LARGE1: variants seen among roughly 807,000 people sequenced by gnomAD.
LARGE1 encodes xylosyl- and glucuronyltransferase LARGE1.
A neutral mutation model predicts 87.6 loss-of-function variants in LARGE1; 43 were observed. The observed-to-expected ratio is 0.49, with a 90% CI of 0.38 to 0.63. The LOEUF is 0.63. LARGE1 is among the 30% of genes least tolerant of loss of function. LARGE1 has a pLI of 0.00. For synonymous variants in LARGE1, 434 were observed against 394.6 expected, an observed-to-expected ratio of 1.10 and a Z score of -1.18; for missense variants, 802 against 1,000.2, an observed-to-expected ratio of 0.80 and a Z score of 2.67.
At position 33,877,578 on chromosome 22, in the gene LARGE1, A is replaced by G. The variant is rs550941572; in HGVS notation, c.-83+42417T>C. The stretch of plus-strand genomic sequence containing the variant: ...AGGATGTAATACGATGATACAGGAA[A>G]ATACTACAGAACACTTGAAATGTGG... On this transcript the variant is annotated intron_variant, in intron 1 of 14. Transcript: ENST00000397394. 1.1e-3 allele frequency among the ~76,000 whole-genome samples: 162 copies of G among 152,266 alleles called. 1 individual carries two copies. The highest frequency in any genetic ancestry group is 1.4e-3 in the Admixed American group (21 of 15,288).
chr22:33,076,719 T>G, the LARGE1 span, among the ~76,000 whole-genome samples: 1 of 152,212 alleles, frequency 6.6e-6, no homozygotes, highest in Non-Finnish European at 1.5e-5. Context: ...TATCCATATG[T>G]CTATAAACAA....
intron 6 of LARGE1, among the ~76,000 whole-genome samples, chr22:33,492,606 C>T (rs1036733265): frequency 2.6e-5 from 4 of 152,164 alleles, no homozygotes; most frequent in Admixed American, 6.5e-5. Context: ...CTGCAAGCTC[C>T]GGGAGCTTTG....
chr22:33,315,276 A>G (rs1383246172), intron 11 of LARGE1, among the ~76,000 whole-genome samples: 1 of 152,196 alleles, frequency 6.6e-6, no homozygotes, highest in African/African-American at 2.4e-5. Flanking sequence ...CCTGGATGTG[A>G]ACGTGTTATA....
intron 12 of LARGE1, among the ~76,000 whole-genome samples, chr22:33,291,661 C>T (rs1037593048): frequency 2.0e-5 from 3 of 150,970 alleles, no homozygotes; most frequent in African/African-American, 7.4e-5. Flanking sequence ...TAATGTATTA[C>T]ATCAATACAT....
In LARGE1 at chr22:33,798,187, G is replaced by C. The variant is rs537267533; in HGVS notation, c.-82-36629C>G. Among the ~76,000 whole-genome samples, 10 of 152,262 alleles carry C rather than the reference G, an allele frequency of 6.6e-5. No individual in the cohort carries two copies. In the East Asian group the frequency reaches 1.9e-3, roughly 29 times the overall value. On this transcript the variant is annotated intron_variant, in intron 1 of 14. Coordinates refer to ENST00000397394, the MANE Select transcript of LARGE1 (RefSeq NM_133642.5). ...GCACCTGTAAGCCCAGCTACTCAGA[G>C]GCTGAGGCAGGAGAATTGCTTGAAC... is the stretch of plus-strand genomic sequence containing the variant.
intron 11 of LARGE1, among the ~76,000 whole-genome samples, chr22:33,203,433 A>G (rs1297392316): frequency 6.6e-6 from 1 of 152,098 alleles, no homozygotes; most frequent in African/African-American, 2.4e-5. Flanking sequence ...GATACTGGGA[A>G]CCACTGAGCG....
intron 6 of LARGE1, among the ~76,000 whole-genome samples, chr22:33,556,592 CAGGCAGGTAGGG>C (rs1201128294): frequency 1.0e-4 from 5 of 49,294 alleles, no homozygotes; most frequent in African/African-American, 2.5e-4. Context: ...GGCAGGAAGG[CAGGCAGGTAGGG>C]AGGCAGGGAA....
At chr22:33,106,649 C>T in the LARGE1 span, among the ~76,000 whole-genome samples, 2 of 152,130 alleles carry the variant, frequency 1.3e-5, no homozygotes, top group Admixed American at 6.5e-5. Flanking sequence ...GCATGTGCCA[C>T]CATGCCCAGC....
intron 4 of LARGE1, among the ~76,000 whole-genome samples, chr22:33,616,766 A>T (rs918295251): frequency 2.6e-5 from 4 of 152,210 alleles, no homozygotes; most frequent in Non-Finnish European, 5.9e-5. Flanking sequence ...AGAACAGGCA[A>T]ATCCAAAAAG....
At chr22:33,103,390 G>A in the LARGE1 span, among the ~76,000 whole-genome samples, 3 of 119,288 alleles carry the variant, frequency 2.5e-5, no homozygotes, top group African/African-American at 3.2e-5. Flanking sequence ...CCGAGATTGT[G>A]CCACTGCACT....
chr22:33,823,799 G>C (rs1029070118), intron 1 of LARGE1, among the ~76,000 whole-genome samples: 1 of 152,126 alleles, frequency 6.6e-6, no homozygotes, highest in Non-Finnish European at 1.5e-5. Flanking sequence ...GGATATCTTT[G>C]TTCGAACTGA....
intron 2 of LARGE1, among the ~76,000 whole-genome samples, chr22:33,745,906 A>C (rs1488105999): frequency 6.6e-6 from 1 of 152,184 alleles, no homozygotes; most frequent in African/African-American, 2.4e-5. Flanking sequence ...TGGAGAACTA[A>C]CCAGGAGGGA....
At chr22:33,879,860 T>G (rs2064615920) in intron 1 of LARGE1, among the ~76,000 whole-genome samples, 1 of 152,240 alleles carries the variant, frequency 6.6e-6, no homozygotes, top group African/African-American at 2.4e-5. Flanking sequence ...CGGTATCAGG[T>G]ACATGGGAAT....
chr22:33,802,946 G>A (rs796821941), intron 1 of LARGE1, among the ~76,000 whole-genome samples: 1 of 152,164 alleles, frequency 6.6e-6, no homozygotes, highest in South Asian at 2.1e-4. Flanking sequence ...TGCCTGGCAA[G>A]GCTGGACAGA....
intron 1 of LARGE1, among the ~76,000 whole-genome samples, chr22:33,830,716 A>G (rs184281497): frequency 6.6e-6 from 1 of 152,278 alleles, no homozygotes; most frequent in African/African-American, 2.4e-5. Context: ...CTTTAACTGA[A>G]TACCATAGAC....
At chr22:33,672,165 C>A (rs997457279) in intron 2 of LARGE1, among the ~76,000 whole-genome samples, 6 of 152,126 alleles carry the variant, frequency 3.9e-5, no homozygotes, top group Non-Finnish European at 7.3e-5. Flanking sequence ...GTTATAAAGC[C>A]TGTCCCAGAT....
intron 11 of LARGE1, among the ~76,000 whole-genome samples, chr22:33,227,111 A>G (rs1403965963): frequency 1.3e-5 from 2 of 152,224 alleles, no homozygotes; most frequent in African/African-American, 4.8e-5. Flanking sequence ...AGTGACAGCT[A>G]CCAAATATTA....
chr22:33,184,481 A>C (rs1923367896), intron 11 of LARGE1, among the ~76,000 whole-genome samples: 1 of 151,762 alleles, frequency 6.6e-6, no homozygotes, highest in Non-Finnish European at 1.5e-5. Context: ...TTTTTGTATT[A>C]ATAAGAAAAA....
At position 33,690,546 on chromosome 22, in the gene LARGE1, A is replaced by C. The variant is rs377684033; in HGVS notation, c.107-39878T>G. 6.6e-5 allele frequency among the ~76,000 whole-genome samples: 10 copies of C among 152,222 alleles called. No individual in the cohort carries two copies. In the South Asian group the frequency reaches 1.0e-3, roughly 16 times the overall value. On this transcript the variant is annotated intron_variant, in intron 2 of 14. Coordinates refer to ENST00000397394, the MANE Select transcript of LARGE1 (RefSeq NM_133642.5). Reference sequence around the variant, plus strand: ...TTCAAACACACCTCATGCTCCTTCTACTAGAGACCTGGGGAAAAAGAGGGA... The same window carrying C: ...TTCAAACACACCTCATGCTCCTTCTCCTAGAGACCTGGGGAAAAAGAGGGA...
Sources: allele counts gnomAD v4.1 joint callset (sites outside exome capture counted in the v4.1 genomes callset), GRCh38; gene constraint gnomAD v4.1.1; transcripts MANE v1.5; gene names NCBI Gene and HGNC (gene_info 2026-07-23, HGNC 2026-07-21).